ANKS1B: variants seen among roughly 807,000 people sequenced by gnomAD.
The protein encoded by ANKS1B is ankyrin repeat and sterile alpha motif domain containing 1B, also known as ankyrin repeat and sterile alpha motif domain-containing protein 1B.
A neutral mutation model predicts 148.3 loss-of-function variants in ANKS1B; 36 were observed. The observed-to-expected ratio is 0.24, with a 90% CI of 0.19 to 0.32. ANKS1B has a LOEUF of 0.32. Ranked by LOEUF, ANKS1B falls within the 10% of genes least tolerant of loss-of-function variation. The probability of loss-of-function intolerance (pLI) is 1.00; values close to 1 mark genes in which losing one functional copy is unlikely to be tolerated. For missense variants in ANKS1B, 1,157 were observed against 1,542.6 expected, an observed-to-expected ratio of 0.75 and a Z score of 4.19; for synonymous variants, 542 against 560.8, an observed-to-expected ratio of 0.97 and a Z score of 0.47.
At chr12:98,765,787 G>C (rs1027196855) in intron 25 of ANKS1B, among the ~76,000 whole-genome samples, 1 of 152,186 alleles carries the variant, frequency 6.6e-6, no homozygotes, top group South Asian at 2.1e-4. Context: ...GTAGAGACAG[G>C]GTTTTACCAT....
At chr12:99,918,333 C>T (rs1463277439) in intron 1 of ANKS1B, among the ~76,000 whole-genome samples, 1 of 152,216 alleles carries the variant, frequency 6.6e-6, no homozygotes, top group Non-Finnish European at 1.5e-5. Context: ...TTCCCGTTCT[C>T]TCAACTTCAG....
At chr12:99,199,190 T>A (rs1209317562) in intron 14 of ANKS1B, among the ~76,000 whole-genome samples, 1 of 152,176 alleles carries the variant, frequency 6.6e-6, no homozygotes, top group Non-Finnish European at 1.5e-5. Flanking sequence ...GCTGATCCAC[T>A]CTCAAATTCC....
At chr12:99,627,756 G>T (rs2098123824) in intron 9 of ANKS1B, among the ~76,000 whole-genome samples, 1 of 152,130 alleles carries the variant, frequency 6.6e-6, no homozygotes, top group Non-Finnish European at 1.5e-5. Context: ...TATATAAACA[G>T]CTATAATAAA....
chr12:99,174,004 C>A (rs1461347628), intron 14 of ANKS1B, among the ~76,000 whole-genome samples: 1 of 152,156 alleles, frequency 6.6e-6, no homozygotes, highest in Non-Finnish European at 1.5e-5. Flanking sequence ...TAATAGCATA[C>A]CTCAAAATTG....
rs140053892 is a variant in ANKS1B at position 99,134,782 on chromosome 12, G to T, written c.2526+19507C>A. ...ACATTTTAAAAAGCCTTTCTGGGGA[G>T]AGCTGGAGCAACTAGTACAGTGGTG... On this transcript the variant is annotated intron_variant, in intron 15 of 26. Coordinates refer to ENST00000683438, the MANE Select transcript of ANKS1B (RefSeq NM_001352186.2). Among the ~76,000 whole-genome samples, 1,190 of 151,848 alleles carry T rather than the reference G, an allele frequency of 7.8e-3. 13 individuals carry two copies. Among genetic ancestry groups the T allele is most frequent in the African/African-American group, 0.028 (1,147 of 41,348 alleles).
At chr12:99,770,291 G>C (rs2063068710) in intron 8 of ANKS1B, among the ~76,000 whole-genome samples, 1 of 151,076 alleles carries the variant, frequency 6.6e-6, no homozygotes, top group African/African-American at 2.4e-5. Flanking sequence ...TCTACACACT[G>C]TGACTGAAGT....
Position 99,934,626 on chromosome 12 carries a change from T to C in ANKS1B, c.134+49478A>G, listed in dbSNP as rs76849618. 8.7e-3 allele frequency among the ~76,000 whole-genome samples: 1,323 copies of C among 152,256 alleles called. 24 individuals are homozygous for C. Among genetic ancestry groups the C allele is most frequent in the African/African-American group, 0.03 (1,257 of 41,552 alleles). ...ATACATCATAATGTCTGTTTTTTCA[T>C]CTCTGATTTTACTGGATCTTCTCTT... On this transcript the variant is annotated intron_variant, in intron 1 of 26. Coordinates refer to ENST00000683438, the MANE Select transcript of ANKS1B (RefSeq NM_001352186.2).
intron 9 of ANKS1B, chr12:99,648,911 G>A: frequency 7.5e-7 from 1 of 1,336,040 alleles, no homozygotes; most frequent in East Asian, 2.5e-5. Flanking sequence ...AGGTCTGAAG[G>A]CCAAATGAGC....
At chr12:99,587,757 A>C (rs1367527081) in intron 9 of ANKS1B, among the ~76,000 whole-genome samples, 1 of 152,190 alleles carries the variant, frequency 6.6e-6, no homozygotes, top group Non-Finnish European at 1.5e-5. Flanking sequence ...CAGTGGATTC[A>C]GACCAAGATT....
intron 24 of ANKS1B, among the ~76,000 whole-genome samples, chr12:98,780,047 T>C (rs1248747269): frequency 6.6e-6 from 1 of 152,170 alleles, no homozygotes; most frequent in East Asian, 1.9e-4. Context: ...AAACTTCCGA[T>C]TCAGATGCTG....
At chr12:99,383,822 A>G (rs10860429) in intron 12 of ANKS1B, among the ~76,000 whole-genome samples, 56,642 of 142,062 alleles carry the variant, frequency 0.4, 12,467 homozygotes, top group African/African-American at 0.58. Context: ...AGACCAGCCT[A>G]GGCAATGTGG....
At chr12:98,814,826 T>C (rs970791296) in intron 19 of ANKS1B, among the ~76,000 whole-genome samples, 8 of 152,250 alleles carry the variant, frequency 5.3e-5, no homozygotes, top group African/African-American at 1.9e-4. Context: ...AATAATTTAA[T>C]GTTTACTTCT....
At chr12:99,543,079 T>C (rs116613414) in intron 9 of ANKS1B, among the ~76,000 whole-genome samples, 342 of 152,174 alleles carry the variant, frequency 2.2e-3, no homozygotes, top group African/African-American at 8.0e-3. Context: ...AAAAATCATA[T>C]ATTTGATATG....
intron 9 of ANKS1B, among the ~76,000 whole-genome samples, chr12:99,627,092 G>T (rs1555517404): frequency 1.3e-5 from 2 of 152,148 alleles, no homozygotes; most frequent in Non-Finnish European, 2.9e-5. Flanking sequence ...TTTGGCCACA[G>T]ACTCAAAGCA....
chr12:99,752,002 A>G (rs924232625), intron 8 of ANKS1B, among the ~76,000 whole-genome samples: 2 of 152,006 alleles, frequency 1.3e-5, no homozygotes, highest in African/African-American at 4.8e-5. Context: ...AGAGTTTGGT[A>G]AATTTATAGA....
At chr12:99,812,802 C>A (rs1049823614) in intron 2 of ANKS1B, among the ~76,000 whole-genome samples, 2 of 150,860 alleles carry the variant, frequency 1.3e-5, no homozygotes, top group Non-Finnish European at 3.0e-5. Flanking sequence ...TACACACACA[C>A]AAAAAGTTAT....
intron 12 of ANKS1B, among the ~76,000 whole-genome samples, chr12:99,330,658 A>C (rs1219358580): frequency 1.3e-5 from 2 of 152,034 alleles, no homozygotes; most frequent in Non-Finnish European, 2.9e-5. Context: ...ACTGATAGCT[A>C]GGTTTAAAAT....
rs370327186 is a variant in ANKS1B at position 98,795,796 on chromosome 12, A to G, written c.3342+3138T>C. Among the ~76,000 whole-genome samples the G allele has an allele frequency of 2.1e-4, 32 of 152,300 alleles. 1 individual carries two copies. The East Asian group carries it at 6.0e-3, about 28-fold the overall frequency. On this transcript the variant is annotated intron_variant, in intron 22 of 26. Transcript: ENST00000683438. Reference sequence around the variant, plus strand: ...TAGTGGAGTGGACTGCCTGGTTTCAAATCCTGGCTCTGCCACCTGCTGTCT... The same window carrying G: ...TAGTGGAGTGGACTGCCTGGTTTCAGATCCTGGCTCTGCCACCTGCTGTCT...
chr12:99,712,828 A>C (rs1247410037), intron 8 of ANKS1B, among the ~76,000 whole-genome samples: 1 of 152,234 alleles, frequency 6.6e-6, no homozygotes, highest in Admixed American at 6.5e-5. Flanking sequence ...ATCATGTTTC[A>C]AAACCCAGGA....
Sources: allele counts gnomAD v4.1 joint callset (sites outside exome capture counted in the v4.1 genomes callset), GRCh38; gene constraint gnomAD v4.1.1; transcripts MANE v1.5; gene names NCBI Gene and HGNC (gene_info 2026-07-23, HGNC 2026-07-21).